MGAT4C: variants seen among roughly 807,000 people sequenced by gnomAD.
MGAT4C encodes the protein alpha-1,3-mannosyl-glycoprotein 4-beta-N-acetylglucosaminyltransferase C.
Under a neutral mutation model 40.1 loss-of-function variants are expected in MGAT4C, and 19 were observed. The ratio of observed to expected loss-of-function variants is 0.47; its 90% CI spans 0.33 to 0.70. The LOEUF (loss-of-function observed/expected upper bound fraction) is 0.70. MGAT4C is among the 30% of genes least tolerant of loss of function. The pLI, the probability that MGAT4C is intolerant of heterozygous loss-of-function variation, is 0.02. For synonymous variants in MGAT4C, 181 were observed against 187.1 expected, an observed-to-expected ratio of 0.97 and a Z score of 0.27; for missense variants, 491 against 563.2, an observed-to-expected ratio of 0.87 and a Z score of 1.30.
chr12:86,443,845 C>T (rs555199234), intron 2 of MGAT4C, among the ~76,000 whole-genome samples: 5 of 152,234 alleles, frequency 3.3e-5, no homozygotes, highest in South Asian at 4.2e-4. Context: ...GCGCCCGCCT[C>T]GGCTTCCCAA....
intron 2 of MGAT4C, among the ~76,000 whole-genome samples, chr12:86,599,965 G>A (rs1961703273): frequency 6.6e-6 from 1 of 151,774 alleles, no homozygotes; most frequent in South Asian, 2.1e-4. Flanking sequence ...GCAGTCCAGG[G>A]AAGGATATTG....
At chr12:86,657,766 A>G (rs1963886001) in intron 2 of MGAT4C, among the ~76,000 whole-genome samples, 1 of 151,960 alleles carries the variant, frequency 6.6e-6, no homozygotes, top group Non-Finnish European at 1.5e-5. Flanking sequence ...AAATCTTAGA[A>G]GCATTCTAAT....
chr12:86,483,930 CAACAAGAGTTATTAAAGACGCAAGGT>C (rs1957976323), intron 2 of MGAT4C, among the ~76,000 whole-genome samples: 1 of 150,618 alleles, frequency 6.6e-6, no homozygotes. Flanking sequence ...AGAGAGAAAA[CAACAAGAGTTATTAAAGACGCAAGGT>C]AAACACTGTG....
chr12:86,825,826 AT>A (rs1226449065), intron 1 of MGAT4C, among the ~76,000 whole-genome samples: 1 of 151,486 alleles, frequency 6.6e-6, no homozygotes, highest in Non-Finnish European at 1.5e-5. Flanking sequence ...AAATTTATAT[AT>A]TTGGAGGTGA....
At chr12:86,091,140 T>C (rs572508817) in intron 1 of MGAT4C, among the ~76,000 whole-genome samples, 2 of 151,976 alleles carry the variant, frequency 1.3e-5, no homozygotes, top group Non-Finnish European at 2.9e-5. Context: ...TCTTGGAGCT[T>C]CAGTAGAAAT....
intron 3 of MGAT4C, among the ~76,000 whole-genome samples, chr12:86,434,010 A>G (rs2136271974): frequency 6.6e-6 from 1 of 152,190 alleles, no homozygotes; most frequent in Middle Eastern, 3.4e-3. Context: ...GATAAGCATG[A>G]ATTTTTATTG....
chr12:86,655,352 T>C (rs1963819143), intron 2 of MGAT4C, among the ~76,000 whole-genome samples: 3 of 152,108 alleles, frequency 2.0e-5, no homozygotes, highest in Non-Finnish European at 4.4e-5. Context: ...CTTTGTTGAA[T>C]AATGTGTGTT....
At chr12:86,077,356 A>T (rs539882845) in intron 1 of MGAT4C, among the ~76,000 whole-genome samples, 2 of 152,370 alleles carry the variant, frequency 1.3e-5, no homozygotes, top group Admixed American at 1.3e-4. Flanking sequence ...ATACTATTAC[A>T]GGAAGTCAAC....
intron 3 of MGAT4C, among the ~76,000 whole-genome samples, chr12:86,420,279 GGCGGGA>G (rs1394789721): frequency 6.6e-6 from 1 of 151,988 alleles, no homozygotes; most frequent in Admixed American, 6.6e-5. Context: ...TTACTCTCGA[GGCGGGA>G]GTGGGAGGAT....
intron 4 of MGAT4C, among the ~76,000 whole-genome samples, chr12:86,305,295 C>T (rs1040631245): frequency 8.0e-5 from 12 of 149,678 alleles, no homozygotes; most frequent in Non-Finnish European, 2.9e-5. Context: ...CAAAATTAGC[C>T]GGGCATGGTG....
intron 1 of MGAT4C, among the ~76,000 whole-genome samples, chr12:86,821,146 G>A (rs1349718906): frequency 1.3e-5 from 2 of 150,824 alleles, no homozygotes; most frequent in African/African-American, 4.8e-5. Flanking sequence ...GAGTGTGTAT[G>A]TAATACATGC....
chr12:86,568,752 A>G (rs1960238150), intron 2 of MGAT4C, among the ~76,000 whole-genome samples: 1 of 152,032 alleles, frequency 6.6e-6, no homozygotes, highest in African/African-American at 2.4e-5. Flanking sequence ...GAAAAAGCAT[A>G]GAGAACTTGG....
chr12:86,240,090 T>C (rs1482420316), intron 1 of MGAT4C, among the ~76,000 whole-genome samples: 1 of 151,236 alleles, frequency 6.6e-6, no homozygotes, highest in Non-Finnish European at 1.5e-5. Context: ...CCTATTCTAA[T>C]GTGCAGAAAG....
Position 85,980,306 on chromosome 12 carries a change from G to A in MGAT4C, c.420C>T (p.His140=), listed in dbSNP as rs1404642762. Residue 140 remains histidine (H), a synonymous_variant, in exon 5 of 5, where the codon CAC becomes CAT. Transcript: ENST00000611864. ...EELKEISVVV[H]LADFNSSWRD... Reference sequence around the variant, plus strand: ...GCCAGGAAGAATTAAAGTCTGCTAGGTGAACCACCACTGAAATTTCCTTCA... The same window carrying A: ...GCCAGGAAGAATTAAAGTCTGCTAGATGAACCACCACTGAAATTTCCTTCA... 12 of 1,613,800 alleles carry A rather than the reference G, an allele frequency of 7.4e-6. No homozygotes were observed. Among genetic ancestry groups the A allele is most frequent in the Middle Eastern group, 1.6e-4 (1 of 6,082 alleles).
intron 2 of MGAT4C, among the ~76,000 whole-genome samples, chr12:86,662,983 AC>A (rs1185120097): frequency 2.0e-5 from 3 of 152,168 alleles, no homozygotes; most frequent in African/African-American, 7.2e-5. Context: ...ATGCTGACTA[AC>A]CCATTAATCC....
At chr12:86,190,976 A>G (rs937069779) in intron 1 of MGAT4C, among the ~76,000 whole-genome samples, 2 of 151,948 alleles carry the variant, frequency 1.3e-5, no homozygotes, top group Non-Finnish European at 2.9e-5. Flanking sequence ...TCTGTGCTAA[A>G]TGTCAACTCT....
chr12:86,226,782 G>A (rs949996104), intron 1 of MGAT4C, among the ~76,000 whole-genome samples: 8 of 151,784 alleles, frequency 5.3e-5, no homozygotes, highest in African/African-American at 1.4e-4. Flanking sequence ...TCTTTTCAGC[G>A]TTGTCAAAAG....
chr12:86,344,748 G>A (rs994252390), intron 3 of MGAT4C, among the ~76,000 whole-genome samples: 8 of 117,752 alleles, frequency 6.8e-5, no homozygotes, highest in South Asian at 2.5e-4. Flanking sequence ...GTGTGTGTGT[G>A]TGTGTGTATG....
intron 1 of MGAT4C, among the ~76,000 whole-genome samples, chr12:86,118,236 C>T (rs1362450183): frequency 6.6e-6 from 1 of 152,086 alleles, no homozygotes; most frequent in Non-Finnish European, 1.5e-5. Context: ...GAGAAATAGC[C>T]TGAAGAATGG....
Sources: allele counts gnomAD v4.1 joint callset (sites outside exome capture counted in the v4.1 genomes callset), GRCh38; gene constraint gnomAD v4.1.1; transcripts MANE v1.5; gene names NCBI Gene and HGNC (gene_info 2026-07-23, HGNC 2026-07-21).